The following SAMMSON variants were observed in gnomAD, a reference collection of about 807,000 sequenced individuals.
SAMMSON encodes survival associated mitochondrial melanoma specific oncogenic non-coding RNA.
In SAMMSON at chr3:70,317,023, G is replaced by T. The variant is rs374652600; in HGVS notation, n.739+25780G>T. ...TTACGGATATTCTTGGTTCCTCTGG[G>T]GGTTACAATATGCATCCTTAATATA... On this transcript the variant is annotated intron_variant and non_coding_transcript_variant, in intron 7 of 9. Coordinates refer to ENST00000642114, the Ensembl canonical transcript of SAMMSON. Among the ~76,000 whole-genome samples the T allele has an allele frequency of 1.4e-3, 214 of 151,930 alleles. 2 individuals carry two copies. The highest frequency in any genetic ancestry group is 5.0e-3 in the African/African-American group (208 of 41,466).
intron 6 of SAMMSON, among the ~76,000 whole-genome samples, chr3:70,258,266 G>A (rs1018604576): frequency 5.9e-5 from 9 of 152,068 alleles, no homozygotes; most frequent in African/African-American, 1.9e-4. Context: ...CCAAAAGCAT[G>A]AGCCATAAAA....
At chr3:70,378,492 T>C (rs944025150) in intron 9 of SAMMSON, among the ~76,000 whole-genome samples, 7 of 152,184 alleles carry the variant, frequency 4.6e-5, no homozygotes, top group East Asian at 1.9e-4. Context: ...AATAGGCTTA[T>C]TTTAGTGAGA....
chr3:70,041,037 C>A (rs1011464696), intron 3 of SAMMSON, among the ~76,000 whole-genome samples: 1 of 152,072 alleles, frequency 6.6e-6, no homozygotes, highest in Non-Finnish European at 1.5e-5. Flanking sequence ...TTTTCATGTT[C>A]TTGCAGTAAA....
chr3:70,017,751 A>G (rs2066992184), intron 3 of SAMMSON, among the ~76,000 whole-genome samples: 1 of 152,174 alleles, frequency 6.6e-6, no homozygotes, highest in Admixed American at 6.5e-5. Context: ...ATTTTGAGAA[A>G]CATCCCATCA....
intron 1 of SAMMSON, among the ~76,000 whole-genome samples, chr3:70,000,468 ATC>A (rs1381915012): frequency 2.6e-5 from 4 of 152,230 alleles, no homozygotes; most frequent in African/African-American, 9.6e-5. Context: ...CACATTTTGT[ATC>A]TGTGTTCAAG....
chr3:70,089,129 T>C (rs1347462728), intron 4 of SAMMSON, among the ~76,000 whole-genome samples: 1 of 152,196 alleles, frequency 6.6e-6, no homozygotes, highest in Non-Finnish European at 1.5e-5. Context: ...GCTTGTTATA[T>C]TGCTTGCTAT....
upstream of SAMMSON, chr3:69,999,631 G>T (rs1322311308): frequency 6.6e-6 from 1 of 152,260 alleles, no homozygotes; most frequent in Admixed American, 6.5e-5. Flanking sequence ...GTGAGGACAG[G>T]CGCTCCTGCT....
intron 2 of SAMMSON, among the ~76,000 whole-genome samples, chr3:70,402,897 A>C (rs959018281): frequency 1.4e-4 from 21 of 151,962 alleles, no homozygotes; most frequent in Non-Finnish European, 2.2e-4. Context: ...GTATATATAT[A>C]TCTCTCTCTA....
intron 9 of SAMMSON, among the ~76,000 whole-genome samples, chr3:70,373,273 T>A (rs1465316760): frequency 2.6e-5 from 4 of 152,174 alleles, no homozygotes; most frequent in East Asian, 3.8e-4. Flanking sequence ...GGACCCAGAG[T>A]TCTCTTCTTC....
intron 6 of SAMMSON, among the ~76,000 whole-genome samples, chr3:70,284,000 G>A (rs781213495): frequency 7.9e-5 from 12 of 151,988 alleles, no homozygotes; most frequent in Non-Finnish European, 1.6e-4. Context: ...CATACAGAAG[G>A]GGTTTCCATG....
At chr3:70,064,532 T>C (rs768819945) in intron 3 of SAMMSON, among the ~76,000 whole-genome samples, 2 of 152,146 alleles carry the variant, frequency 1.3e-5, no homozygotes, top group Non-Finnish European at 2.9e-5. Flanking sequence ...CATGCTTTCA[T>C]GTAGTTTCTT....
chr3:70,225,849 A>G (rs961693178), intron 4 of SAMMSON, among the ~76,000 whole-genome samples: 1 of 152,214 alleles, frequency 6.6e-6, no homozygotes, highest in African/African-American at 2.4e-5. Context: ...CTTTGTTTAG[A>G]CAAACGTTGC....
intron 4 of SAMMSON, among the ~76,000 whole-genome samples, chr3:70,096,952 A>G (rs1038085589): frequency 6.6e-6 from 1 of 152,198 alleles, no homozygotes; most frequent in Admixed American, 6.5e-5. Context: ...CTGAATTGAA[A>G]ATACAAATAC....
chr3:70,009,966 T>C (rs2066946936), intron 1 of SAMMSON, among the ~76,000 whole-genome samples: 1 of 149,582 alleles, frequency 6.7e-6, no homozygotes. Flanking sequence ...AATTTCTTAA[T>C]CCTGAGTTCT....
At chr3:70,291,267 T>C (rs781400202) in intron 7 of SAMMSON, 4 of 152,206 alleles carry the variant, frequency 2.6e-5, no homozygotes, top group Non-Finnish European at 5.9e-5. Flanking sequence ...TCTAGGACTC[T>C]ATTTTCTCAT....
At chr3:70,385,737 C>A (rs1703118362) in intron 9 of SAMMSON, among the ~76,000 whole-genome samples, 1 of 152,038 alleles carries the variant, frequency 6.6e-6, no homozygotes, top group African/African-American at 2.4e-5. Flanking sequence ...GTGGCAATAA[C>A]TCACTATATC....
chr3:70,305,042 C>G lies in SAMMSON; in HGVS notation n.739+13799C>G, dbSNP rs145390296. 4.5e-4 allele frequency among the ~76,000 whole-genome samples: 68 copies of G among 152,244 alleles called. 1 individual carries two copies. Among genetic ancestry groups the G allele is most frequent in the East Asian group, 5.8e-4 (3 of 5,180 alleles). On this transcript the variant is annotated intron_variant and non_coding_transcript_variant, in intron 7 of 9. Coordinates refer to ENST00000642114, the Ensembl canonical transcript of SAMMSON. Reference sequence around the variant, plus strand: ...CATTCTTCTTATTTAAGTCTCAGCTCAAATAACTTTCCCACAGAGAGAACT... The same window carrying G: ...CATTCTTCTTATTTAAGTCTCAGCTGAAATAACTTTCCCACAGAGAGAACT...
chr3:70,348,004 C>G (rs1321040633), intron 7 of SAMMSON, among the ~76,000 whole-genome samples: 1 of 152,062 alleles, frequency 6.6e-6, no homozygotes, highest in Non-Finnish European at 1.5e-5. Context: ...GATCGCGCCA[C>G]TACACTCCAG....
intron 1 of SAMMSON, among the ~76,000 whole-genome samples, chr3:70,007,097 A>G (rs1411486835): frequency 6.6e-6 from 1 of 152,066 alleles, no homozygotes; most frequent in African/African-American, 2.4e-5. Flanking sequence ...GAATAGTGCC[A>G]CAATAAACAT....
Sources: allele counts gnomAD v4.1 joint callset (sites outside exome capture counted in the v4.1 genomes callset), GRCh38; gene constraint gnomAD v4.1.1; transcripts MANE v1.5; gene names NCBI Gene and HGNC (gene_info 2026-07-23, HGNC 2026-07-21).